The following BRD10 variants were observed in gnomAD, a reference collection of about 807,000 sequenced individuals.
BRD10 encodes the protein uncharacterized bromodomain-containing protein 10.
At chr9:5,938,617 G>C in the BRD10 span, among the ~76,000 whole-genome samples, 3 of 151,998 alleles carry the variant, frequency 2.0e-5, no homozygotes, top group African/African-American at 4.8e-5. Flanking sequence ...TCAGAAAATA[G>C]TTACCTAATA....
the BRD10 span, among the ~76,000 whole-genome samples, chr9:5,953,624 A>G: frequency 6.4e-3 from 974 of 151,986 alleles, 12 homozygotes; most frequent in African/African-American, 0.021. Flanking sequence ...CACTATTACC[A>G]TCTCCAAATT....
At chr9:5,889,553 G>C in the BRD10 span, among the ~76,000 whole-genome samples, 6 of 152,192 alleles carry the variant, frequency 3.9e-5, no homozygotes, top group East Asian at 1.2e-3. Flanking sequence ...TTGGGAGGCT[G>C]AGGCAGGTGG....
the BRD10 span, chr9:5,922,102 T>G: frequency 1.2e-6 from 2 of 1,614,024 alleles, no homozygotes; most frequent in South Asian, 2.2e-5. Context: ...AATTTTGATC[T>G]GGGTTGGTCT....
At chr9:5,969,037 C>T in the BRD10 span, 3 of 1,612,046 alleles carry the variant, frequency 1.9e-6, no homozygotes, top group African/African-American at 4.0e-5. Context: ...GAGGACACAA[C>T]CCCAGTTTTT....
the BRD10 span, among the ~76,000 whole-genome samples, chr9:5,934,045 ATAT>A: frequency 1.4e-4 from 21 of 152,286 alleles, no homozygotes; most frequent in East Asian, 4.0e-3. Flanking sequence ...TTTTCTTGTA[ATAT>A]TATATCTAAA....
the BRD10 span, chr9:5,919,605 A>T: frequency 8.4e-7 from 1 of 1,196,362 alleles, no homozygotes; most frequent in Non-Finnish European, 1.2e-6. Context: ...TGCTTTCAAC[A>T]GTATAATAAA....
the BRD10 span, chr9:5,920,933 G>A: frequency 3.1e-6 from 5 of 1,613,868 alleles, no homozygotes; most frequent in African/African-American, 1.3e-5. Flanking sequence ...AATTCTTGAA[G>A]AGGTATCATT....
chr9:5,964,051 A>T, the BRD10 span, among the ~76,000 whole-genome samples: 1 of 152,194 alleles, frequency 6.6e-6, no homozygotes, highest in Non-Finnish European at 1.5e-5. Context: ...CACAATTGAC[A>T]AATGGGATCT....
At chr9:6,002,948 G>C in the BRD10 span, among the ~76,000 whole-genome samples, 1 of 152,122 alleles carries the variant, frequency 6.6e-6, no homozygotes, top group African/African-American at 2.4e-5. Flanking sequence ...GCCTCCCTAA[G>C]TGCCGGGATT....
the BRD10 span, among the ~76,000 whole-genome samples, chr9:5,936,175 G>A: frequency 2.0e-5 from 3 of 152,098 alleles, no homozygotes; most frequent in Admixed American, 1.3e-4. Context: ...GGGAAACATG[G>A]CAAAACCCTG....
At chr9:5,997,414 T>A in the BRD10 span, among the ~76,000 whole-genome samples, 1 of 140,428 alleles carries the variant, frequency 7.1e-6, no homozygotes, top group Non-Finnish European at 1.5e-5. Flanking sequence ...ACATATCTAA[T>A]GGAAAAATAA....
chr9:5,918,335 T>A, the BRD10 span, among the ~76,000 whole-genome samples: 1 of 152,152 alleles, frequency 6.6e-6, no homozygotes, highest in East Asian at 1.9e-4. Context: ...TTAACAACAT[T>A]ATAAATGGAA....
the BRD10 span, chr9:5,892,355 G>T: frequency 4.0e-6 from 3 of 752,782 alleles, no homozygotes; most frequent in Non-Finnish European, 6.2e-6. Flanking sequence ...TATGGATATT[G>T]GTCACCTAGT....
the BRD10 span, among the ~76,000 whole-genome samples, chr9:5,888,736 C>T: frequency 1.3e-5 from 2 of 152,064 alleles, no homozygotes; most frequent in Admixed American, 6.6e-5. Context: ...TAGAAATTGC[C>T]GAAGAACTCA....
At chr9:5,972,234 T>C in the BRD10 span, among the ~76,000 whole-genome samples, 1 of 151,986 alleles carries the variant, frequency 6.6e-6, no homozygotes, top group Non-Finnish European at 1.5e-5. Flanking sequence ...AGATAATAGA[T>C]GTAAGAATTA....
the BRD10 span, among the ~76,000 whole-genome samples, chr9:5,985,011 A>T: frequency 4.6e-5 from 7 of 152,130 alleles, no homozygotes; most frequent in African/African-American, 1.4e-4. Context: ...TAATTTCAAG[A>T]CTTACTGTAA....
the BRD10 span, among the ~76,000 whole-genome samples, chr9:5,913,685 T>A: frequency 6.6e-6 from 1 of 152,098 alleles, no homozygotes; most frequent in Non-Finnish European, 1.5e-5. Context: ...CAACTTGAAA[T>A]CAGACAAACA....
At chr9:5,975,209 G>A in the BRD10 span, among the ~76,000 whole-genome samples, 1 of 151,572 alleles carries the variant, frequency 6.6e-6, no homozygotes, top group Non-Finnish European at 1.5e-5. Context: ...GCTGAGGTGG[G>A]TGGATCACTT....
chr9:5,985,508 G>T, the BRD10 span, among the ~76,000 whole-genome samples: 1 of 152,194 alleles, frequency 6.6e-6, no homozygotes, highest in African/African-American at 2.4e-5. Flanking sequence ...ATTCTTGGCT[G>T]GGCACGGTGG....
Sources: gnomAD v4.1 joint callset for allele counts (sites outside exome capture counted in the v4.1 genomes callset) on GRCh38, gnomAD v4.1.1 for gene constraint, MANE v1.5 for transcripts, NCBI Gene and HGNC (gene_info 2026-07-23, HGNC 2026-07-21) for gene names.